Variants in ZNF529 observed in about 807,000 individuals in gnomAD.
The protein encoded by ZNF529 is zinc finger protein 529.
ZNF529 carries 11 observed loss-of-function variants against 10.1 expected under a neutral mutation model. That is an observed-to-expected ratio of 1.09 (90% CI 0.69 to 1.81). The LOEUF (loss-of-function observed/expected upper bound fraction) is 1.81. Among genes scored for constraint, ZNF529 ranks in the 40% most tolerant of loss-of-function variants. ZNF529 has a pLI of 0.00. For synonymous variants in ZNF529, 204 were observed against 215.7 expected, an observed-to-expected ratio of 0.95 and a Z score of 0.47; for missense variants, 624 against 666.8, an observed-to-expected ratio of 0.94 and a Z score of 0.71.
chr19:36,577,107 T>G, upstream of ZNF529: 2 of 444,588 alleles, frequency 4.5e-6, no homozygotes, highest in South Asian at 1.6e-5. Context: ...CACCCACTAC[T>G]ATACCTGGCT....
At chr19:36,563,047 T>C (rs971435181) in intron 2 of ZNF529, among the ~76,000 whole-genome samples, 11 of 152,176 alleles carry the variant, frequency 7.2e-5, no homozygotes, top group Non-Finnish European at 1.5e-4. Flanking sequence ...ATCTTGGACT[T>C]CATAAACTAC....
At chr19:36,580,746 ATG>A (rs1444049623) in intron 2 of ZNF529, 2 of 152,366 alleles carry the variant, frequency 1.3e-5, no homozygotes, top group East Asian at 3.9e-4. Flanking sequence ...TCAGTAGTAT[ATG>A]TAATCAGCTC....
chr19:36,591,376 TA>T (rs559069629), intron 1 of ZNF529, among the ~76,000 whole-genome samples: 4 of 149,164 alleles, frequency 2.7e-5, no homozygotes, highest in African/African-American at 4.9e-5. Flanking sequence ...ACAAAATTTC[TA>T]AAAAAAAATA....
chr19:36,552,371 A>T (rs2912400), intron 4 of ZNF529, among the ~76,000 whole-genome samples: 4 of 152,064 alleles, frequency 2.6e-5, no homozygotes, highest in African/African-American at 4.8e-5. Context: ...AGGTTGCAGC[A>T]AGCTGAAATT....
chr19:36,566,507 G>A (rs1192809876), intron 2 of ZNF529, among the ~76,000 whole-genome samples: 2 of 150,716 alleles, frequency 1.3e-5, no homozygotes, highest in African/African-American at 4.9e-5. Context: ...GGCCAACATG[G>A]TGAAACCTTG....
intron 1 of ZNF529, among the ~76,000 whole-genome samples, chr19:36,572,718 TTATC>T (rs559158988): frequency 0.016 from 2,386 of 151,128 alleles, 52 homozygotes; most frequent in Admixed American, 0.062. Flanking sequence ...TTTATCTATC[TTATC>T]TATCTATCTA....
chr19:36,601,033 G>GA (rs903617826), intron 1 of ZNF529, among the ~76,000 whole-genome samples: 95 of 144,368 alleles, frequency 6.6e-4, no homozygotes, highest in Admixed American at 2.6e-3. Context: ...ATGTAACTTG[G>GA]AAAAAAAAAA....
chr19:36,549,564 T>A (rs2035182862), intron 4 of ZNF529, among the ~76,000 whole-genome samples: 1 of 152,214 alleles, frequency 6.6e-6, no homozygotes, highest in African/African-American at 2.4e-5. Flanking sequence ...ATATTTATAA[T>A]ACAGTAAGAT....
chr19:36,605,228 A>C (rs953564289), exon 1 of ZNF529: 1 of 152,100 alleles, frequency 6.6e-6, no homozygotes, highest in African/African-American at 2.4e-5. Flanking sequence ...AACGGAGGGG[A>C]GCGCCGGCAG....
upstream of ZNF529, chr19:36,573,555 G>T (rs752150373): frequency 2.1e-6 from 1 of 465,962 alleles, no homozygotes; most frequent in Middle Eastern, 3.3e-4. Flanking sequence ...CGGGAACCCA[G>T]GTTGGGAGGA....
At chr19:36,590,929 CA>C (rs34193887) in intron 1 of ZNF529, among the ~76,000 whole-genome samples, 49,754 of 105,684 alleles carry the variant, frequency 0.47, 8,458 homozygotes, top group South Asian at 0.52. Context: ...GACTCCGTCT[CA>C]AAAAAAAAAA....
At chr19:36,575,936 C>G (rs2036306336), upstream of ZNF529, among the ~76,000 whole-genome samples, 1 of 152,012 alleles carries the variant, frequency 6.6e-6, no homozygotes, top group Non-Finnish European at 1.5e-5. Context: ...GCGACCTCTG[C>G]CTCCCGGGTT....
chr19:36,592,881 A>T (rs1036390000), intron 1 of ZNF529, among the ~76,000 whole-genome samples: 3 of 152,188 alleles, frequency 2.0e-5, no homozygotes, highest in African/African-American at 7.2e-5. Flanking sequence ...GTATATAAAA[A>T]ATTATCGGAC....
At chr19:36,603,260 A>C (rs1452589332) in intron 1 of ZNF529, among the ~76,000 whole-genome samples, 1 of 152,208 alleles carries the variant, frequency 6.6e-6, no homozygotes, top group Non-Finnish European at 1.5e-5. Context: ...CTATGTCATG[A>C]GAATGCTTAA....
intron 1 of ZNF529, among the ~76,000 whole-genome samples, chr19:36,600,455 A>G (rs981665870): frequency 6.6e-6 from 1 of 152,204 alleles, no homozygotes; most frequent in African/African-American, 2.4e-5. Context: ...TATGAATGTT[A>G]TATGATATTC....
chr19:36,556,746 A>G (rs953863744), intron 2 of ZNF529, among the ~76,000 whole-genome samples: 1 of 152,146 alleles, frequency 6.6e-6, no homozygotes, highest in African/African-American at 2.4e-5. Context: ...ACTCAGAGAG[A>G]TGCACGCCAT....
At chr19:36,603,541 A>G (rs2036963989) in intron 1 of ZNF529, among the ~76,000 whole-genome samples, 1 of 152,218 alleles carries the variant, frequency 6.6e-6, no homozygotes, top group Admixed American at 6.5e-5. Context: ...TTTGCTTTAA[A>G]ATGTGCAACT....
intron 2 of ZNF529, among the ~76,000 whole-genome samples, chr19:36,584,730 G>C (rs2036542153): frequency 6.7e-6 from 1 of 149,588 alleles, no homozygotes; most frequent in African/African-American, 2.5e-5. Flanking sequence ...TTGCCCCACT[G>C]CACTCCACCC....
Position 36,556,217 on chromosome 19 carries a change from A to T in ZNF529, c.15-20T>A. 1.1e-6 allele frequency: 1 copy of T among 905,476 alleles called. No individual in the cohort carries two copies. Among genetic ancestry groups the T allele is most frequent in the Non-Finnish European group, 1.8e-6 (1 of 556,542 alleles). The allele number at this position is 905,476 out of a possible 1,614,324, so 56.1% of individuals were successfully genotyped here. On this transcript the variant is annotated intron_variant, in intron 2 of 4. Coordinates refer to ENST00000591340, the MANE Select transcript of ZNF529 (RefSeq NM_020951.5). ...ATGAAACTGTAAAAATTATTTTTTA[A>T]GAAAGAACCACCATTAAAAGTCTCT...
Sources: allele counts gnomAD v4.1 joint callset (sites outside exome capture counted in the v4.1 genomes callset), GRCh38; gene constraint gnomAD v4.1.1; transcripts MANE v1.5; gene names NCBI Gene and HGNC (gene_info 2026-07-23, HGNC 2026-07-21).